The following NRXN1 variants were observed in gnomAD, a reference collection of about 807,000 sequenced individuals.
NRXN1 encodes neurexin-1.
Under a neutral mutation model 150.9 loss-of-function variants are expected in NRXN1, and 39 were observed. The observed-to-expected ratio is 0.26, with a 90% CI of 0.20 to 0.34. NRXN1 has a LOEUF of 0.34. Among genes scored for constraint, NRXN1 ranks in the 10% least tolerant of loss-of-function variants. The pLI is 1.00. For missense variants in NRXN1, 1,815 were observed against 1,949.9 expected, an observed-to-expected ratio of 0.93 and a Z score of 1.30; for synonymous variants, 924 against 757.0, an observed-to-expected ratio of 1.22 and a Z score of -3.62.
intron 20 of NRXN1, among the ~76,000 whole-genome samples, chr2:50,054,320 C>T (rs537513138): frequency 6.6e-6 from 1 of 152,150 alleles, no homozygotes; most frequent in South Asian, 2.1e-4. Flanking sequence ...AATTATGGCA[C>T]ATTTCCATCA....
chr2:50,776,309 A>G (rs1259674695), intron 5 of NRXN1, among the ~76,000 whole-genome samples: 1 of 152,070 alleles, frequency 6.6e-6, no homozygotes, highest in African/African-American at 2.4e-5. Flanking sequence ...GGATTTAAGT[A>G]AGCTTAATTG....
chr2:49,958,875 G>A (rs150763491), intron 21 of NRXN1, among the ~76,000 whole-genome samples: 248 of 152,158 alleles, frequency 1.6e-3, no homozygotes, highest in South Asian at 3.3e-3. Context: ...GCTTTGAGCT[G>A]GAAATCCAGA....
chr2:50,533,722 G>A (rs759555391), intron 10 of NRXN1, among the ~76,000 whole-genome samples: 8 of 152,020 alleles, frequency 5.3e-5, no homozygotes, highest in South Asian at 2.1e-4. Flanking sequence ...AGTATGTCCC[G>A]CTTCTTGTTC....
intron 21 of NRXN1, among the ~76,000 whole-genome samples, chr2:50,009,288 A>C (rs1685264415): frequency 6.6e-6 from 1 of 152,034 alleles, no homozygotes; most frequent in Admixed American, 6.6e-5. Context: ...GTCCTCACTA[A>C]ATGCACTAAG....
At chr2:50,474,454 T>A (rs979074102) in intron 15 of NRXN1, among the ~76,000 whole-genome samples, 1 of 151,634 alleles carries the variant, frequency 6.6e-6, no homozygotes, top group African/African-American at 2.4e-5. Flanking sequence ...ATTTCTAATT[T>A]AAGGACTGAG....
intron 17 of NRXN1, among the ~76,000 whole-genome samples, chr2:50,260,593 C>A: frequency 6.7e-6 from 1 of 148,952 alleles, no homozygotes; most frequent in Admixed American, 6.7e-5. Flanking sequence ...AAAGCAAACA[C>A]CGATGACAAA....
chr2:49,939,668 A>G (rs13007882), intron 22 of NRXN1, among the ~76,000 whole-genome samples: 32,800 of 152,110 alleles, frequency 0.22, 3,788 homozygotes, highest in East Asian at 0.3. Context: ...AGGAAAAGTA[A>G]CAGCATTATG....
chr2:50,169,518 G>T (rs929564764), intron 18 of NRXN1, among the ~76,000 whole-genome samples: 1 of 152,092 alleles, frequency 6.6e-6, no homozygotes, highest in Non-Finnish European at 1.5e-5. Context: ...TTCGAGACCA[G>T]TCTGGCCAAC....
In NRXN1 at chr2:51,027,859, C is replaced by T; in HGVS notation, c.415G>A (p.Glu139Lys). 3 of 1,613,104 alleles carry T rather than the reference C, an allele frequency of 1.9e-6. No homozygotes were observed. Among genetic ancestry groups the T allele is most frequent in the Non-Finnish European group, 2.5e-6 (3 of 1,179,724 alleles). ...FIDQVEAKWV[E>K]VKSKRRDMTV... ...ATGTCCCTGCGCTTGGACTTGACCTCCACCCACTTGGCCTCCACCTGGTCG... is the reference window on the plus strand; with the variant it reads ...ATGTCCCTGCGCTTGGACTTGACCTTCACCCACTTGGCCTCCACCTGGTCG... The change falls in exon 2 of 23, where the codon GAG becomes AAG. Residue 139 changes from glutamate (E) to lysine (K), a missense_variant. By Grantham distance (56) the Glu-to-Lys change is moderately conservative (BLOSUM62 1). Coordinates refer to ENST00000401669, the MANE Select transcript of NRXN1 (RefSeq NM_001330078.2).
intron 5 of NRXN1, among the ~76,000 whole-genome samples, chr2:50,751,690 G>A (rs1173494591): frequency 6.6e-6 from 1 of 151,956 alleles, no homozygotes; most frequent in Non-Finnish European, 1.5e-5. Flanking sequence ...GCATTAAAGA[G>A]TAAAAGCATC....
intron 5 of NRXN1, among the ~76,000 whole-genome samples, chr2:50,752,008 T>C (rs1224590644): frequency 6.6e-6 from 1 of 151,984 alleles, no homozygotes; most frequent in African/African-American, 2.4e-5. Flanking sequence ...GAACCCAGTC[T>C]GCCCACTCTA....
intron 8 of NRXN1, among the ~76,000 whole-genome samples, chr2:50,558,914 C>G (rs1668637976): frequency 6.6e-6 from 1 of 151,958 alleles, no homozygotes. Context: ...AACCCTATCT[C>G]TACTAAAAAT....
At chr2:50,555,267 TTGAG>T (rs1294547224) in intron 8 of NRXN1, among the ~76,000 whole-genome samples, 1 of 152,174 alleles carries the variant, frequency 6.6e-6, no homozygotes, top group African/African-American at 2.4e-5. Flanking sequence ...TGTAAAAGAA[TTGAG>T]TGTTTCTGAC....
chr2:50,509,212 C>A (rs948610951), intron 12 of NRXN1, among the ~76,000 whole-genome samples: 2 of 152,176 alleles, frequency 1.3e-5, no homozygotes, highest in Non-Finnish European at 2.9e-5. Context: ...CATTATTCAG[C>A]CTCGTAGTTA....
intron 18 of NRXN1, among the ~76,000 whole-genome samples, chr2:50,173,909 G>T (rs1223257428): frequency 6.6e-6 from 1 of 152,104 alleles, no homozygotes; most frequent in Non-Finnish European, 1.5e-5. Context: ...TAATACAGAA[G>T]TAAGATCTGG....
rs539748938 is a variant in NRXN1 at position 50,788,604 on chromosome 2, A to C, written c.832+133265T>G. ...GTGCATGTGCGTGTGAGAGAGAGAG[A>C]CAGAGAGAGAGAGAGAGAAAGAGAG... On this transcript the variant is annotated intron_variant, in intron 5 of 22. Coordinates refer to ENST00000401669, the MANE Select transcript of NRXN1 (RefSeq NM_001330078.2). Among the ~76,000 whole-genome samples, 6 of 151,996 alleles carry C rather than the reference A, an allele frequency of 3.9e-5. No individual in the cohort carries two copies. The East Asian group carries it at 7.8e-4, about 20-fold the overall frequency.
chr2:50,611,537 T>C (rs1337881841), intron 8 of NRXN1, among the ~76,000 whole-genome samples: 1 of 152,194 alleles, frequency 6.6e-6, no homozygotes, highest in East Asian at 1.9e-4. Context: ...GAGGAGTGTC[T>C]ATGGCAAGGT....
chr2:50,091,260 A>C lies in NRXN1; in HGVS notation c.3718+63T>G. 3 of 1,573,190 alleles carry C rather than the reference A, an allele frequency of 1.9e-6. No individual in the cohort carries two copies. In the South Asian group the frequency reaches 3.3e-5, roughly 17 times the overall value. ...CAATTTGGTGAAACGGATGCAAAAC[A>C]GTGCTTTTTCTTCCAGTTTGTTTTT... On this transcript the variant is annotated intron_variant, in intron 19 of 22. Transcript: ENST00000401669.
At chr2:50,471,846 A>G (rs2089498886) in intron 16 of NRXN1, among the ~76,000 whole-genome samples, 1 of 151,830 alleles carries the variant, frequency 6.6e-6, no homozygotes, top group Non-Finnish European at 1.5e-5. Flanking sequence ...AAGTTGACCT[A>G]CATAACAAAC....
Sources: gnomAD v4.1 joint callset for allele counts (sites outside exome capture counted in the v4.1 genomes callset) on GRCh38, gnomAD v4.1.1 for gene constraint, MANE v1.5 for transcripts, NCBI Gene and HGNC (gene_info 2026-07-23, HGNC 2026-07-21) for gene names.